Variants in EVL observed in about 807,000 individuals in gnomAD.
EVL encodes the protein ena/VASP-like protein.
In EVL, 21 loss-of-function variants were observed where a neutral mutation model predicts 59.6. The observed-to-expected ratio is 0.35, with a 90% CI of 0.25 to 0.51. EVL has a LOEUF of 0.51. Ranked by LOEUF, EVL falls within the 20% of genes least tolerant of loss-of-function variation. EVL has a pLI of 0.97. For missense variants in EVL, 462 were observed against 546.6 expected (o/e 0.85, Z 1.54); for synonymous variants, 198 against 203.5 (o/e 0.97, Z 0.23).
chr14:99,972,996 T>C lies in EVL; in HGVS notation c.5+939T>C, dbSNP rs2060745462. 6.6e-6 allele frequency among the ~76,000 whole-genome samples: 1 copy of C among 152,238 alleles called. No homozygotes were observed. Among genetic ancestry groups the C allele is most frequent in the Admixed American group, 6.5e-5 (1 of 15,288 alleles). On this transcript the variant is annotated intron_variant, in intron 1 of 13. Transcript: ENST00000402714. The surrounding 1 kb of genome is among the most constrained non-coding windows in gnomAD (Gnocchi z 4.4). ...GTAATCGTTATTTGTTCATTTTTAT[T>C]GGTCTATAGTATTCTGTTGTAAGAA... is the stretch of plus-strand genomic sequence containing the variant.
intron 1 of EVL, among the ~76,000 whole-genome samples, chr14:100,043,491 G>A (rs1443071899): frequency 6.6e-6 from 1 of 151,796 alleles, no homozygotes; most frequent in Admixed American, 6.6e-5. Context: ...GGGGTGAGGT[G>A]CTCAGGCAAG....
At chr14:100,118,286 T>G (rs1032815610) in intron 3 of EVL, among the ~76,000 whole-genome samples, 2 of 152,104 alleles carry the variant, frequency 1.3e-5, no homozygotes, top group Non-Finnish European at 2.9e-5. Context: ...CGTGCCCAGA[T>G]TTTCCCTCTT....
chr14:99,996,783 C>G (rs2060916837), intron 1 of EVL, among the ~76,000 whole-genome samples: 1 of 152,140 alleles, frequency 6.6e-6, no homozygotes, highest in South Asian at 2.1e-4. Flanking sequence ...TCCAGAGTGG[C>G]TGGGACTATA....
chr14:99,999,734 C>T (rs1431430919), intron 1 of EVL, among the ~76,000 whole-genome samples: 3 of 152,170 alleles, frequency 2.0e-5, no homozygotes, highest in African/African-American at 7.2e-5. Context: ...AGAGAGATGT[C>T]TGTGGACCCC....
At chr14:100,128,947 C>G (rs904156629) in intron 6 of EVL, among the ~76,000 whole-genome samples, 199 bp downstream of exon 6, 1 of 152,228 alleles carries the variant, frequency 6.6e-6, no homozygotes, top group Non-Finnish European at 1.5e-5. Flanking sequence ...AGCCTTTGAG[C>G]CTCACGTTGA....
intron 1 of EVL, among the ~76,000 whole-genome samples, chr14:100,071,124 A>G (rs2062040795): frequency 6.6e-6 from 1 of 152,134 alleles, no homozygotes; most frequent in African/African-American, 2.4e-5. Flanking sequence ...CAAGGAGAAA[A>G]GGCAAACGTC....
intron 3 of EVL, among the ~76,000 whole-genome samples, chr14:100,121,321 C>T (rs774665648): frequency 2.0e-5 from 3 of 152,132 alleles, no homozygotes; most frequent in African/African-American, 4.8e-5. Context: ...TGCCGGGGGA[C>T]GGAGGAGGCC....
At chr14:100,036,101 G>A (rs564432006) in intron 1 of EVL, among the ~76,000 whole-genome samples, 2 of 152,280 alleles carry the variant, frequency 1.3e-5, no homozygotes, top group African/African-American at 4.8e-5. Flanking sequence ...CTGTCAGATC[G>A]GCAGTGGCAT....
intron 3 of EVL, among the ~76,000 whole-genome samples, chr14:100,111,860 GATGTTCTGATTTCC>G (rs1213813689): frequency 6.6e-6 from 1 of 152,212 alleles, no homozygotes; most frequent in Non-Finnish European, 1.5e-5. Context: ...CCAGAGCCCA[GATGTTCTGATTTCC>G]AGTCCAGGTC....
At chr14:100,058,224 T>C (rs573215487) in intron 1 of EVL, among the ~76,000 whole-genome samples, 2 of 152,248 alleles carry the variant, frequency 1.3e-5, no homozygotes, top group East Asian at 1.9e-4. Context: ...CTGCCTTCTC[T>C]TGGAGTCTGG....
At chr14:100,004,216 C>A (rs1463207377) in intron 1 of EVL, among the ~76,000 whole-genome samples, 2 of 152,048 alleles carry the variant, frequency 1.3e-5, no homozygotes, top group African/African-American at 4.8e-5. Flanking sequence ...AATCAACCAA[C>A]CAACCAACCA....
At chr14:100,132,874 G>T (rs1888525832) in intron 8 of EVL, 95 bp downstream of exon 8, 1 of 1,371,284 alleles carries the variant, frequency 7.3e-7, no homozygotes, top group Non-Finnish European at 1.0e-6. Flanking sequence ...TTTGGGACAT[G>T]CGTGGGATGG....
intron 13 of EVL, 126 bp from the exon 14 acceptor site, chr14:100,143,575 G>A (rs1293513549): frequency 2.6e-6 from 3 of 1,165,662 alleles, no homozygotes; most frequent in Non-Finnish European, 3.7e-6. Flanking sequence ...AAGCCTGGGT[G>A]GGGCTCCCAG....
intron 4 of EVL, 140 bp from the exon 5 acceptor site, chr14:100,126,564 GGCA>G (rs1445036170): frequency 2.6e-6 from 2 of 775,338 alleles, no homozygotes; most frequent in Non-Finnish European, 4.3e-6. Flanking sequence ...GTTAAGTGGA[GGCA>G]GCCGTGGCAC....
chr14:100,099,700 G>T (rs73349523), intron 3 of EVL, among the ~76,000 whole-genome samples: 6 of 150,974 alleles, frequency 4.0e-5, no homozygotes, highest in Admixed American at 2.0e-4. Flanking sequence ...AACTTACCTC[G>T]CCTGCCTCCA....
At chr14:100,003,372 A>G (rs1007783372) in intron 1 of EVL, among the ~76,000 whole-genome samples, 2 of 152,170 alleles carry the variant, frequency 1.3e-5, no homozygotes, top group African/African-American at 2.4e-5. Context: ...AAGCACATAC[A>G]GAAAGATACA....
chr14:100,064,655 A>C (rs574382854), upstream of EVL, among the ~76,000 whole-genome samples: 2 of 152,338 alleles, frequency 1.3e-5, no homozygotes, highest in African/African-American at 4.8e-5. Context: ...TCACGCCTGT[A>C]ATCTCAGCAC....
In EVL at chr14:100,127,237, G is replaced by A. The variant is rs780674152; in HGVS notation, c.487+466G>A. On this transcript the variant is annotated intron_variant, in intron 5 of 13. Transcript: ENST00000392920. The surrounding 1 kb of genome is among the most constrained non-coding windows in gnomAD (Gnocchi z 4.2). ...GAGGCGCTGCCACGCGTCTGTCTTG[G>A]ACGTTCGGTGGAGCTTAGCACGTTA... Among the ~76,000 whole-genome samples, 4 of 152,248 alleles carry A rather than the reference G, an allele frequency of 2.6e-5. No individual in the cohort carries two copies. The highest frequency in any genetic ancestry group is 4.4e-5 in the Non-Finnish European group (3 of 68,048).
intron 1 of EVL, among the ~76,000 whole-genome samples, chr14:100,078,025 T>A (rs1190971): frequency 5.3e-5 from 8 of 152,102 alleles, no homozygotes; most frequent in Non-Finnish European, 1.0e-4. Context: ...CCGCCCGCCT[T>A]GGCCTCCCAA....
Sources: allele counts gnomAD v4.1 joint callset (sites outside exome capture counted in the v4.1 genomes callset), GRCh38; gene constraint gnomAD v4.1.1; non-coding constraint Gnocchi (gnomAD v3.1); transcripts MANE v1.5; gene names NCBI Gene and HGNC (gene_info 2026-07-23, HGNC 2026-07-21).